The following TMEM108 variants were observed in gnomAD, a reference collection of about 807,000 sequenced individuals.
TMEM108 encodes cancer/testis antigen 124.
TMEM108 carries 12 observed loss-of-function variants against 35.1 expected under a neutral mutation model. The ratio of observed to expected loss-of-function variants is 0.34; its 90% CI spans 0.22 to 0.55. TMEM108 has a LOEUF of 0.55. TMEM108 is among the 20% of genes least tolerant of loss of function. TMEM108 has a pLI of 0.89. For missense variants in TMEM108, 680 were observed against 753.3 expected, an observed-to-expected ratio of 0.90 and a Z score of 1.14; for synonymous variants, 287 against 308.6, an observed-to-expected ratio of 0.93 and a Z score of 0.73.
At chr3:133,341,952 C>T (rs1052902754) in intron 3 of TMEM108, among the ~76,000 whole-genome samples, 2 of 151,780 alleles carry the variant, frequency 1.3e-5, no homozygotes, top group Non-Finnish European at 3.0e-5. Context: ...ATTGGGGAAA[C>T]CCTCCAGGAC....
chr3:133,386,880 C>T (rs2073160037), intron 4 of TMEM108: 2 of 619,404 alleles, frequency 3.2e-6, no homozygotes, highest in Admixed American at 1.1e-4. Flanking sequence ...ATACTATTAG[C>T]TTCTATGACC....
chr3:133,070,825 A>G (rs759343544), intron 2 of TMEM108, among the ~76,000 whole-genome samples: 2 of 151,798 alleles, frequency 1.3e-5, no homozygotes, highest in Non-Finnish European at 2.9e-5. Flanking sequence ...GTTAAAAAAG[A>G]ATCGCATTCT....
At chr3:133,074,575 C>A (rs1943717792) in intron 2 of TMEM108, among the ~76,000 whole-genome samples, 2 of 152,166 alleles carry the variant, frequency 1.3e-5, no homozygotes. Flanking sequence ...CTGCAACCTC[C>A]TCCTCCCAGG....
At chr3:133,354,300 TGG>T (rs1228004813) in intron 3 of TMEM108, among the ~76,000 whole-genome samples, 2 of 152,182 alleles carry the variant, frequency 1.3e-5, no homozygotes, top group Non-Finnish European at 2.9e-5. Flanking sequence ...AGCTCTCAGC[TGG>T]GGATGTTGCC....
At chr3:133,226,517 G>A (rs552332089) in intron 2 of TMEM108, among the ~76,000 whole-genome samples, 25 of 152,272 alleles carry the variant, frequency 1.6e-4, no homozygotes, top group African/African-American at 5.8e-4. Flanking sequence ...AATCTGTTCT[G>A]TGAGTTCTAA....
intron 3 of TMEM108, among the ~76,000 whole-genome samples, chr3:133,286,046 C>T (rs536692083): frequency 1.1e-4 from 16 of 152,322 alleles, no homozygotes; most frequent in African/African-American, 3.8e-4. Flanking sequence ...ACTACCTCAT[C>T]ATTCCCTAAG....
At chr3:133,126,473 C>G (rs1944418811) in intron 2 of TMEM108, among the ~76,000 whole-genome samples, 1 of 150,166 alleles carries the variant, frequency 6.7e-6, no homozygotes, top group African/African-American at 2.5e-5. Flanking sequence ...TCCCCGCCCC[C>G]CCCAGAAAAA....
At chr3:133,389,425 A>T (rs1010397699) in intron 4 of TMEM108, 2 of 983,668 alleles carry the variant, frequency 2.0e-6, no homozygotes, top group East Asian at 2.3e-4. Flanking sequence ...CACACCTGTA[A>T]TCAATCCCAG....
At chr3:133,073,023 A>G (rs1943694602) in intron 2 of TMEM108, among the ~76,000 whole-genome samples, 1 of 152,158 alleles carries the variant, frequency 6.6e-6, no homozygotes, top group Non-Finnish European at 1.5e-5. Context: ...ACAGATGGAA[A>G]TTGTATATAT....
At chr3:133,216,877 A>G (rs138437044) in intron 2 of TMEM108, among the ~76,000 whole-genome samples, 1 of 152,222 alleles carries the variant, frequency 6.6e-6, no homozygotes, top group African/African-American at 2.4e-5. Flanking sequence ...ACTGTTGTGA[A>G]TATTGCTACA....
At chr3:133,340,621 AC>A (rs1188242513) in intron 3 of TMEM108, among the ~76,000 whole-genome samples, 4 of 151,722 alleles carry the variant, frequency 2.6e-5, no homozygotes, top group African/African-American at 9.7e-5. Context: ...AAAAAAACAA[AC>A]AAAAAAACTA....
At chr3:133,160,776 T>A (rs1229981996) in intron 2 of TMEM108, among the ~76,000 whole-genome samples, 1 of 152,248 alleles carries the variant, frequency 6.6e-6, no homozygotes, top group Admixed American at 6.5e-5. Flanking sequence ...CCACTTCTTA[T>A]GTATCTGGTA....
At chr3:133,272,272 C>CGTGTGTGTGTGTGTGTGTGTGTGTGT in intron 3 of TMEM108, among the ~76,000 whole-genome samples, 1 of 137,838 alleles carries the variant, frequency 7.3e-6, no homozygotes, top group East Asian at 2.2e-4. Context: ...CATACACGTA[C>CGTGTGTGTGTGTGTGTGTGTGTGTGT]GTGTGTGTGT....
chr3:133,249,471 T>G (rs1371950544), intron 3 of TMEM108, among the ~76,000 whole-genome samples: 1 of 152,204 alleles, frequency 6.6e-6, no homozygotes. Flanking sequence ...TCCCTCCACC[T>G]TCCAGTAGTC....
intron 2 of TMEM108, among the ~76,000 whole-genome samples, chr3:133,191,322 C>T (rs912481730): frequency 1.3e-5 from 2 of 152,142 alleles, no homozygotes. Context: ...TCTCACTATT[C>T]ATTATTTTAG....
At chr3:133,146,542 G>A (rs1944723068) in intron 2 of TMEM108, among the ~76,000 whole-genome samples, 1 of 152,068 alleles carries the variant, frequency 6.6e-6, no homozygotes, top group Admixed American at 6.6e-5. Context: ...AGGAACGGAA[G>A]CAGCTCCTCT....
At chr3:133,315,171 A>AT (rs1377232099) in intron 3 of TMEM108, among the ~76,000 whole-genome samples, 1 of 152,222 alleles carries the variant, frequency 6.6e-6, no homozygotes, top group Non-Finnish European at 1.5e-5. Context: ...TCCTTATCCT[A>AT]TTATTCTACT....
intron 2 of TMEM108, among the ~76,000 whole-genome samples, chr3:133,111,592 A>ATTGCTTCATTTTTAATATT (rs1944224882): frequency 6.6e-6 from 1 of 152,120 alleles, no homozygotes; most frequent in Admixed American, 6.6e-5. Flanking sequence ...TGCACAATAC[A>ATTGCTTCATTTTTAATATT]TTGCTTCATT....
chr3:133,095,734 G>A (rs376109154), intron 2 of TMEM108, among the ~76,000 whole-genome samples: 5 of 152,270 alleles, frequency 3.3e-5, no homozygotes, highest in African/African-American at 1.2e-4. Flanking sequence ...TGATCCGACA[G>A]GCGGTGGAGC....
Sources: gnomAD v4.1 joint callset for allele counts (sites outside exome capture counted in the v4.1 genomes callset) on GRCh38, gnomAD v4.1.1 for gene constraint, MANE v1.5 for transcripts, NCBI Gene and HGNC (gene_info 2026-07-23, HGNC 2026-07-21) for gene names.